Variants in DYRK4 observed in about 807,000 individuals in gnomAD.
DYRK4 encodes dual specificity tyrosine-phosphorylation-regulated kinase 4.
Under a neutral mutation model 68.3 loss-of-function variants are expected in DYRK4, and 64 were observed. The ratio of observed to expected loss-of-function variants is 0.94; its 90% CI spans 0.77 to 1.15. The LOEUF is 1.15. Among genes scored for constraint, DYRK4 ranks in the 50% most tolerant of loss-of-function variants. DYRK4 has a pLI of 0.00. For missense variants in DYRK4, 740 were observed against 764.7 expected (o/e 0.97, Z 0.38); for synonymous variants, 274 against 289.9 (o/e 0.95, Z 0.56).
chr12:4,602,915 G>T (rs1385151158), intron 10 of DYRK4: 2 of 876,162 alleles, frequency 2.3e-6, no homozygotes, highest in African/African-American at 1.7e-5. Context: ...GTAAGTATTA[G>T]TGTCTTTTAG....
At chr12:4,592,373 CT>C (rs1343552637) in intron 5 of DYRK4, 1 of 152,240 alleles carries the variant, frequency 6.6e-6, no homozygotes, top group Non-Finnish European at 1.5e-5. Flanking sequence ...ATGGTGCCCC[CT>C]ATCCTAATCC....
At chr12:4,599,895 CA>C in intron 10 of DYRK4, 107 bp downstream of exon 10, 1 of 893,628 alleles carries the variant, frequency 1.1e-6, no homozygotes, top group Non-Finnish European at 1.8e-6. Flanking sequence ...TCACCACTAC[CA>C]GTATGATTTT....
chr12:4,603,161 G>A (rs565669386), intron 10 of DYRK4: 20 of 1,323,436 alleles, frequency 1.5e-5, no homozygotes, highest in Non-Finnish European at 2.2e-5. Context: ...TTGAATACTC[G>A]GTACCGAAAT....
intron 2 of DYRK4, chr12:4,573,482 C>G (rs1435672154): frequency 1.0e-6 from 1 of 1,001,916 alleles, no homozygotes; most frequent in African/African-American, 1.7e-5. Flanking sequence ...CAGGAATTGG[C>G]GGGTGGGGGC....
intron 13 of DYRK4, 88 bp downstream of exon 13, chr12:4,610,372 G>A: frequency 1.5e-6 from 2 of 1,321,184 alleles, no homozygotes; most frequent in Non-Finnish European, 2.0e-6. Context: ...CTAAGGCTGG[G>A]AGATAGTTAT....
intron 1 of DYRK4, chr12:4,564,298 A>G (rs1256686958): frequency 6.6e-6 from 1 of 151,752 alleles, no homozygotes; most frequent in Non-Finnish European, 1.5e-5. Context: ...TATATTATAT[A>G]AATATAAATA....
At chr12:4,611,665 C>T (rs1945222765) in intron 13 of DYRK4, among the ~76,000 whole-genome samples, 1 of 152,154 alleles carries the variant, frequency 6.6e-6, no homozygotes, top group African/African-American at 2.4e-5. Flanking sequence ...TGTTTTAGGA[C>T]CTTAATGAGT....
chr12:4,578,332 T>C (rs1488188686), intron 2 of DYRK4, among the ~76,000 whole-genome samples: 1 of 152,244 alleles, frequency 6.6e-6, no homozygotes, highest in Non-Finnish European at 1.5e-5. Context: ...GGTTAATTTC[T>C]TCAAACCTGT....
chr12:4,599,160 C>T lies in DYRK4; in HGVS notation c.1038C>T (p.Leu346=). ...LSVEKIIHCD[L]KPENIVLYQK... Reference sequence around the variant, plus strand: ...TAGAGAAAATCATTCACTGTGATCTCAAGCCCGTGAGTACCATCTCCGTCC... The same window carrying T: ...TAGAGAAAATCATTCACTGTGATCTTAAGCCCGTGAGTACCATCTCCGTCC... The change falls in exon 9 of 15, where the codon CTC becomes CTT. Residue 346 remains leucine, a synonymous_variant. Coordinates refer to ENST00000543431, the MANE Select transcript of DYRK4 (RefSeq NM_001394779.1). The T allele has an allele frequency of 6.2e-7, 1 of 1,613,720 alleles. No homozygotes were observed. The highest frequency in any genetic ancestry group is 8.5e-7 in the Non-Finnish European group (1 of 1,179,934).
chr12:4,576,879 A>G (rs1944794692), intron 2 of DYRK4, among the ~76,000 whole-genome samples: 1 of 152,202 alleles, frequency 6.6e-6, no homozygotes, highest in Non-Finnish European at 1.5e-5. Context: ...GTTGAATTTT[A>G]AGAGTACTTT....
At chr12:4,612,126 T>C (rs1945228686) in intron 13 of DYRK4, among the ~76,000 whole-genome samples, 1 of 152,232 alleles carries the variant, frequency 6.6e-6, no homozygotes, top group African/African-American at 2.4e-5. Flanking sequence ...CCAAGTCCCC[T>C]TGCAAATCTT....
intron 2 of DYRK4, among the ~76,000 whole-genome samples, chr12:4,582,393 G>A (rs538995811): frequency 6.6e-6 from 1 of 152,290 alleles, no homozygotes; most frequent in East Asian, 1.9e-4. Context: ...GCGGTGAGCC[G>A]AGATGGCGCC....
chr12:4,602,989 C>T, intron 10 of DYRK4: 2 of 896,738 alleles, frequency 2.2e-6, no homozygotes, highest in Non-Finnish European at 3.5e-6. Context: ...TTTTATCATT[C>T]ACGGGTTCTT....
In DYRK4 at chr12:4,596,232, G is replaced by A. The variant is rs1945016320; in HGVS notation, c.711G>A (p.Leu237=). 3 of 1,614,036 alleles carry A rather than the reference G, an allele frequency of 1.9e-6. No homozygotes were observed. Among genetic ancestry groups the A allele is most frequent in the Non-Finnish European group, 2.5e-6 (3 of 1,180,042 alleles). ...KGSFGQVAKC[L]DHKNNELVAL... ...CCTTTGGACAGGTGGCCAAGTGCTT[G>A]GATCACAAAAACAATGAGCTGGTGG... The change falls in exon 7 of 15, where the codon TTG becomes TTA. Residue 237 remains leucine (L), a synonymous_variant. Transcript: ENST00000543431.
chr12:4,586,058 A>G (rs900370189), intron 2 of DYRK4, among the ~76,000 whole-genome samples: 3 of 152,156 alleles, frequency 2.0e-5, no homozygotes. Flanking sequence ...ACCAAAAATA[A>G]AAATAAAAAT....
chr12:4,590,286 C>T lies in DYRK4; in HGVS notation c.214-44C>T, dbSNP rs775050225. 1.4e-5 allele frequency: 21 copies of T among 1,505,222 alleles called. No homozygotes were observed. In the Middle Eastern group the frequency reaches 5.1e-4, roughly 37 times the overall value. 93.2% of individuals were successfully genotyped at this position (1,505,222 alleles called of 1,614,324 possible). On this transcript the variant is annotated intron_variant, in intron 3 of 14. Transcript: ENST00000543431. Reference sequence around the variant, plus strand: ...AAGAAATGACCCCTGGAGACGTTTTCTTGCCTAAGGCTTTTGTAACACATG... The same window carrying T: ...AAGAAATGACCCCTGGAGACGTTTTTTTGCCTAAGGCTTTTGTAACACATG...
rs117621487 is a variant in DYRK4, at chr12:4,571,642, G to A, written c.132+3594G>A. 4.3e-3 allele frequency among the ~76,000 whole-genome samples: 647 copies of A among 151,968 alleles called. 3 individuals are homozygous for A. Among genetic ancestry groups the A allele is most frequent in the Non-Finnish European group, 7.4e-3 (506 of 67,972 alleles). On this transcript the variant is annotated intron_variant, in intron 2 of 14. Coordinates refer to ENST00000543431, the MANE Select transcript of DYRK4 (RefSeq NM_001394779.1). ...ATCGTATTGTAGTTTATATTTTATC[G>A]TATGCCAATTAATACCTCAATAAAG...
chr12:4,571,352 C>A (rs1591785129), intron 2 of DYRK4, among the ~76,000 whole-genome samples: 1 of 152,340 alleles, frequency 6.6e-6, no homozygotes. Flanking sequence ...TGAATGCCAC[C>A]TCCTTAGAGA....
At chr12:4,598,365 G>A (rs1945042189) in intron 8 of DYRK4, among the ~76,000 whole-genome samples, 1 of 152,190 alleles carries the variant, frequency 6.6e-6, no homozygotes, top group Non-Finnish European at 1.5e-5. Context: ...TTGCACAGAG[G>A]TTGCAACTGG....
Sources: gnomAD v4.1 joint callset for allele counts (sites outside exome capture counted in the v4.1 genomes callset) on GRCh38, gnomAD v4.1.1 for gene constraint, MANE v1.5 for transcripts, NCBI Gene and HGNC (gene_info 2026-07-23, HGNC 2026-07-21) for gene names.